Variants in STK3 observed in about 807,000 individuals in gnomAD.
STK3 encodes serine/threonine-protein kinase 3.
A neutral mutation model predicts 58.0 loss-of-function variants in STK3; 41 were observed. The observed-to-expected ratio is 0.71, with a 90% confidence interval of 0.55 to 0.92. The LOEUF is 0.92. STK3 is among the 40% of genes least tolerant of loss of function. The pLI, the probability that STK3 is intolerant of heterozygous loss-of-function variation, is 0.00. For synonymous variants in STK3, 170 were observed against 191.0 expected, an observed-to-expected ratio of 0.89 and a Z score of 0.91; for missense variants, 479 against 602.7, an observed-to-expected ratio of 0.79 and a Z score of 2.15.
At chr8:98,379,313 A>C (rs781508922) in intron 1 of STK3, 7 of 152,378 alleles carry the variant, frequency 4.6e-5, no homozygotes, top group Non-Finnish European at 7.3e-5. Context: ...TAAGTATAGC[A>C]GCTAAAGTTC....
intron 2 of STK3, among the ~76,000 whole-genome samples, chr8:98,768,352 A>C (rs1173027995): frequency 1.3e-5 from 2 of 152,222 alleles, no homozygotes; most frequent in Non-Finnish European, 2.9e-5. Context: ...GAAAACATCG[A>C]ATGTTTCCTA....
intron 1 of STK3, among the ~76,000 whole-genome samples, chr8:98,780,766 A>G (rs1832039802): frequency 6.6e-6 from 1 of 152,208 alleles, no homozygotes; most frequent in Non-Finnish European, 1.5e-5. Context: ...AGAGATTTGA[A>G]CTAGAAATAT....
intron 1 of STK3, among the ~76,000 whole-genome samples, chr8:98,887,488 GCTTC>G (rs1838035604): frequency 6.6e-6 from 1 of 152,004 alleles, no homozygotes; most frequent in South Asian, 2.1e-4. Flanking sequence ...ATCTATAATG[GCTTC>G]AAAATAAAAA....
At chr8:98,775,834 G>A (rs1158383012) in intron 1 of STK3, among the ~76,000 whole-genome samples, 3 of 152,158 alleles carry the variant, frequency 2.0e-5, no homozygotes, top group Non-Finnish European at 4.4e-5. Flanking sequence ...GAGTAAATCT[G>A]TCAGCACGGC....
chr8:98,934,169 G>A (rs1199460603), intron 1 of STK3, among the ~76,000 whole-genome samples: 1 of 152,220 alleles, frequency 6.6e-6, no homozygotes, highest in Non-Finnish European at 1.5e-5. Flanking sequence ...ACAGAGCCAG[G>A]AAGAATCCAG....
At chr8:98,447,738 T>G (rs1159774082) in intron 1 of STK3, among the ~76,000 whole-genome samples, 1 of 148,244 alleles carries the variant, frequency 6.7e-6, no homozygotes, top group East Asian at 1.9e-4. Flanking sequence ...GTTGCATGTA[T>G]TTGTATATAT....
chr8:98,426,707 C>G (rs951245542), intron 3 of STK3, among the ~76,000 whole-genome samples: 30 of 152,204 alleles, frequency 2.0e-4, no homozygotes, highest in African/African-American at 6.5e-4. Flanking sequence ...TTTCCCAGCC[C>G]AGCTCCCGCC....
intron 9 of STK3, among the ~76,000 whole-genome samples, chr8:98,539,380 G>T (rs1810041252): frequency 6.6e-6 from 1 of 152,048 alleles, no homozygotes; most frequent in Admixed American, 6.6e-5. Flanking sequence ...AAAACAAATT[G>T]CCTCATACTT....
chr8:98,737,876 T>G (rs1280345473), intron 4 of STK3, among the ~76,000 whole-genome samples: 1 of 151,884 alleles, frequency 6.6e-6, no homozygotes, highest in African/African-American at 2.4e-5. Flanking sequence ...CCCAGCTAAT[T>G]TTTTTGTATT....
At chr8:98,890,097 A>C (rs1838139497) in intron 1 of STK3, among the ~76,000 whole-genome samples, 1 of 152,206 alleles carries the variant, frequency 6.6e-6, no homozygotes, top group South Asian at 2.1e-4. Flanking sequence ...GTAGGCTTAG[A>C]GGGAATCAAT....
chr8:98,711,324 A>C (rs1381821190), intron 4 of STK3, among the ~76,000 whole-genome samples: 1 of 152,196 alleles, frequency 6.6e-6, no homozygotes, highest in African/African-American at 2.4e-5. Context: ...GCTTCTGATG[A>C]TCGAACTACT....
At chr8:98,806,390 A>G (rs1264170151) in intron 1 of STK3, among the ~76,000 whole-genome samples, 1 of 152,204 alleles carries the variant, frequency 6.6e-6, no homozygotes, top group Non-Finnish European at 1.5e-5. Flanking sequence ...AATAAAAAAT[A>G]CACATATATG....
chr8:98,400,778 A>T (rs1036758891), downstream of STK3, among the ~76,000 whole-genome samples: 26 of 115,474 alleles, frequency 2.3e-4, no homozygotes, highest in Admixed American at 7.1e-4. Context: ...GTCTTTTTTA[A>T]AAAAAAAATA....
intron 2 of STK3, among the ~76,000 whole-genome samples, chr8:98,373,704 A>C (rs1267068010): frequency 6.6e-6 from 1 of 152,142 alleles, no homozygotes. Context: ...CTTCTGCCCA[A>C]AGACACAAAA....
At chr8:98,468,425 G>T (rs1206223700) in intron 10 of STK3, among the ~76,000 whole-genome samples, 1 of 152,032 alleles carries the variant, frequency 6.6e-6, no homozygotes, top group East Asian at 1.9e-4. Context: ...TATTTGTAAG[G>T]ACACAAGAAA....
intron 6 of STK3, among the ~76,000 whole-genome samples, chr8:98,635,619 A>C (rs1819559315): frequency 6.6e-6 from 1 of 152,174 alleles, no homozygotes; most frequent in Non-Finnish European, 1.5e-5. Context: ...AATATTTCTA[A>C]TTTTACAATA....
At chr8:98,437,021 C>T (rs1216477061) in intron 2 of STK3, 1 of 152,426 alleles carries the variant, frequency 6.6e-6, no homozygotes, top group Admixed American at 6.5e-5. Context: ...AGGCTCTCCC[C>T]CAACAACCCA....
chr8:98,465,505 C>G (rs1383544499), intron 10 of STK3, among the ~76,000 whole-genome samples: 2 of 152,320 alleles, frequency 1.3e-5, no homozygotes, highest in East Asian at 3.9e-4. Flanking sequence ...TTAGCCATCA[C>G]TGGCCATATG....
At chr8:98,772,838 C>T (rs563405354) in intron 2 of STK3, among the ~76,000 whole-genome samples, 2 of 152,204 alleles carry the variant, frequency 1.3e-5, no homozygotes, top group Non-Finnish European at 2.9e-5. Context: ...TCACCAGAAG[C>T]GGATGCCGGC....
Sources: gnomAD v4.1 joint callset for allele counts (sites outside exome capture counted in the v4.1 genomes callset) on GRCh38, gnomAD v4.1.1 for gene constraint, MANE v1.5 for transcripts, NCBI Gene and HGNC (gene_info 2026-07-23, HGNC 2026-07-21) for gene names.